Variants in ANKS6 observed in about 807,000 individuals in gnomAD.
ANKS6 encodes ankyrin repeat and sterile alpha motif domain containing 6.
ANKS6 carries 47 observed loss-of-function variants against 77.9 expected under a neutral mutation model. That is an observed-to-expected ratio of 0.60 (90% CI 0.48 to 0.77). The LOEUF (loss-of-function observed/expected upper bound fraction) is 0.77. Ranked by LOEUF, ANKS6 falls within the 30% of genes least tolerant of loss-of-function variation. The pLI, the probability that ANKS6 is intolerant of heterozygous loss-of-function variation, is 0.00. For missense variants in ANKS6, 1,150 were observed against 1,159.1 expected (o/e 0.99, Z 0.11); for synonymous variants, 488 against 501.7 (o/e 0.97, Z 0.37).
At chr9:98,785,574 C>T (rs1834518394) in intron 2 of ANKS6, among the ~76,000 whole-genome samples, 1 of 152,242 alleles carries the variant, frequency 6.6e-6, no homozygotes. Context: ...CTCACATGCT[C>T]ATCCCACACC....
chr9:98,789,941 G>A, intron 2 of ANKS6, 163 bp downstream of exon 2: 1 of 1,091,168 alleles, frequency 9.2e-7, no homozygotes. Context: ...GCATGTCACA[G>A]GCAATCCCCC....
intron 14 of ANKS6, among the ~76,000 whole-genome samples, chr9:98,741,973 A>T (rs572854203): frequency 6.6e-6 from 1 of 152,314 alleles, no homozygotes; most frequent in African/African-American, 2.4e-5. Context: ...TGTCCCTTCT[A>T]TCTGCAAAAG....
intron 11 of ANKS6, among the ~76,000 whole-genome samples, chr9:98,765,562 G>C (rs1345796682): frequency 1.3e-5 from 2 of 152,200 alleles, no homozygotes; most frequent in Non-Finnish European, 1.5e-5. Context: ...CTGCAGACCA[G>C]AGAACTGCCC....
intron 11 of ANKS6, among the ~76,000 whole-genome samples, chr9:98,765,542 G>C (rs1279360428): frequency 1.3e-5 from 2 of 152,216 alleles, no homozygotes; most frequent in African/African-American, 4.8e-5. Context: ...CACCAGCCAG[G>C]TGAGTGATCC....
At chr9:98,786,685 C>T (rs1430003882) in intron 2 of ANKS6, among the ~76,000 whole-genome samples, 1 of 152,166 alleles carries the variant, frequency 6.6e-6, no homozygotes, top group African/African-American at 2.4e-5. Context: ...CTATTCTGCA[C>T]CTGACTTTTA....
At chr9:98,794,585 A>T (rs1459481131) in intron 1 of ANKS6, among the ~76,000 whole-genome samples, 1 of 152,164 alleles carries the variant, frequency 6.6e-6, no homozygotes, top group Non-Finnish European at 1.5e-5. Flanking sequence ...ACTGAGGAAC[A>T]GCACATTTTA....
chr9:98,735,960 G>C lies in ANKS6; in HGVS notation c.*559C>G. The C allele has an allele frequency of 8.1e-7, 1 of 1,228,520 alleles. No individual in the cohort carries two copies. The highest frequency in any genetic ancestry group is 1.0e-6 in the Non-Finnish European group (1 of 986,660). 76.1% of individuals were successfully genotyped at this position (1,228,520 alleles called of 1,614,324 possible). ...GAGGGGCAAGTTAGAAGTTTTAAGG[G>C]AAGATGTGCCAGGAAGGCTAACCTC... On this transcript the variant is annotated 3_prime_UTR_variant, in exon 15 of 15. Transcript: ENST00000353234.
intron 1 of ANKS6, among the ~76,000 whole-genome samples, chr9:98,792,653 CA>C (rs1454788631): frequency 6.6e-6 from 1 of 152,122 alleles, no homozygotes; most frequent in Admixed American, 6.5e-5. Context: ...TCCCTAACAG[CA>C]GATTACAAGG....
chr9:98,753,004 T>C (rs1832512547), intron 12 of ANKS6, among the ~76,000 whole-genome samples: 1 of 152,056 alleles, frequency 6.6e-6, no homozygotes, highest in Non-Finnish European at 1.5e-5. Flanking sequence ...TCCCTACACA[T>C]GCAGCCTTGG....
chr9:98,794,457 T>C (rs1256095034), intron 1 of ANKS6, among the ~76,000 whole-genome samples: 1 of 152,182 alleles, frequency 6.6e-6, no homozygotes, highest in Non-Finnish European at 1.5e-5. Context: ...CTTCTGGAAG[T>C]CTTCCATATA....
Position 98,790,673 on chromosome 9 carries a change from T to C in ANKS6, c.360-67A>G, listed in dbSNP as rs7027771. 0.61 allele frequency: 930,407 copies of C among 1,537,370 alleles called. 285,861 individuals are homozygous for C. The highest frequency in any genetic ancestry group is 0.63 in the Non-Finnish European group (716,185 of 1,131,914). ...ACTCGGGGGCCAGCTTATGTCATCC[T>C]TAATTGGCATGAATTATTAGTCCTG... On this transcript the variant is annotated intron_variant, in intron 1 of 14. Transcript: ENST00000353234.
intron 14 of ANKS6, among the ~76,000 whole-genome samples, chr9:98,743,490 C>G (rs1211247368): frequency 6.6e-6 from 1 of 152,226 alleles, no homozygotes; most frequent in East Asian, 1.9e-4. Flanking sequence ...CTGCTCCGCA[C>G]TTTTCTACTA....
intron 1 of ANKS6, 29 bp from the exon 2 acceptor site, chr9:98,790,635 C>T (rs775837630): frequency 2.5e-6 from 4 of 1,584,464 alleles, no homozygotes; most frequent in East Asian, 2.3e-5. Context: ...ATTAGTGACA[C>T]TGAACACACA....
chr9:98,742,910 G>C (rs1457445008), intron 14 of ANKS6, among the ~76,000 whole-genome samples: 2 of 152,178 alleles, frequency 1.3e-5, no homozygotes, highest in African/African-American at 4.8e-5. Flanking sequence ...TAAACTTTAA[G>C]AACAATGTCC....
chr9:98,786,825 C>A (rs1834600043), intron 2 of ANKS6, among the ~76,000 whole-genome samples: 1 of 152,172 alleles, frequency 6.6e-6, no homozygotes. Flanking sequence ...AAGCAACCAT[C>A]TGACACAAGT....
intron 11 of ANKS6, among the ~76,000 whole-genome samples, chr9:98,761,916 A>G (rs1249138743): frequency 6.6e-6 from 1 of 152,168 alleles, no homozygotes; most frequent in East Asian, 1.9e-4. Flanking sequence ...ATTTATAATC[A>G]GTTTCTAGAT....
intron 9 of ANKS6, among the ~76,000 whole-genome samples, chr9:98,772,759 G>T (rs1833710855): frequency 6.6e-6 from 1 of 152,146 alleles, no homozygotes; most frequent in Admixed American, 6.5e-5. Flanking sequence ...CCACTGGGGA[G>T]AAAACTCTTC....
chr9:98,754,641 C>CAA (rs1010994225), intron 12 of ANKS6, among the ~76,000 whole-genome samples: 4 of 134,374 alleles, frequency 3.0e-5, no homozygotes, highest in South Asian at 2.4e-4. Context: ...GCCTCCGTCT[C>CAA]AAAAAAAAAA....
In ANKS6 at chr9:98,791,605, G is replaced by C. The variant is rs1449726582; in HGVS notation, c.360-999C>G. Among the ~76,000 whole-genome samples the C allele has an allele frequency of 1.3e-5, 2 of 152,186 alleles. No homozygotes were observed. The highest frequency in any genetic ancestry group is 2.4e-5 in the African/African-American group (1 of 41,450). Reference sequence around the variant, plus strand: ...GCTGGAAGCGGCCCTGGACTAACAAGAAAACAATGACAAGACAGGGGCTGT... The same window carrying C: ...GCTGGAAGCGGCCCTGGACTAACAACAAAACAATGACAAGACAGGGGCTGT... On this transcript the variant is annotated intron_variant, in intron 1 of 14. Coordinates refer to ENST00000353234, the MANE Select transcript of ANKS6 (RefSeq NM_173551.5). The surrounding 1 kb of genome is among the most constrained non-coding windows in gnomAD (Gnocchi z 4.3).
Sources: allele counts gnomAD v4.1 joint callset (sites outside exome capture counted in the v4.1 genomes callset), GRCh38; gene constraint gnomAD v4.1.1; non-coding constraint Gnocchi (gnomAD v3.1); transcripts MANE v1.5; gene names NCBI Gene and HGNC (gene_info 2026-07-23, HGNC 2026-07-21).